Variants in TSNARE1 observed in about 807,000 individuals in gnomAD.
TSNARE1 encodes the protein t-SNARE domain-containing protein 1.
TSNARE1 carries 49 observed loss-of-function variants against 62.0 expected under a neutral mutation model. That is an observed-to-expected ratio of 0.79 (90% confidence interval 0.63 to 1.00). The LOEUF (loss-of-function observed/expected upper bound fraction) is 1.00. Among genes scored for constraint, TSNARE1 ranks in the 50% least tolerant of loss-of-function variants. The probability of loss-of-function intolerance (pLI) is 0.00; values close to 1 mark genes in which losing one functional copy is unlikely to be tolerated. For missense variants in TSNARE1, 755 were observed against 700.1 expected (o/e 1.08, Z -0.88); for synonymous variants, 328 against 294.4 (o/e 1.11, Z -1.17).
At chr8:142,318,984 A>T (rs1468118774) in intron 6 of TSNARE1, among the ~76,000 whole-genome samples, 1 of 151,704 alleles carries the variant, frequency 6.6e-6, no homozygotes, top group African/African-American at 2.4e-5. Context: ...GGAGACGGGC[A>T]GACACCCAGC....
At chr8:142,233,560 G>A (rs989286585) in intron 12 of TSNARE1, among the ~76,000 whole-genome samples, 3 of 152,168 alleles carry the variant, frequency 2.0e-5, no homozygotes, top group Admixed American at 1.3e-4. Flanking sequence ...AGGAGGGGCC[G>A]GTGTGCTTGT....
chr8:142,300,764 G>T, intron 9 of TSNARE1, 120 bp from the exon 10 acceptor site: 1 of 1,279,910 alleles, frequency 7.8e-7, no homozygotes, highest in South Asian at 1.5e-5. Context: ...TCTCTGAGGG[G>T]ACGATCTGGG....
intron 1 of TSNARE1, among the ~76,000 whole-genome samples, chr8:142,362,437 C>T (rs1461586362): frequency 6.6e-6 from 1 of 152,228 alleles, no homozygotes; most frequent in Non-Finnish European, 1.5e-5. Context: ...AGGCAGAGAA[C>T]ACAGTCTGAG....
At chr8:142,231,237 G>A (rs974937343) in intron 12 of TSNARE1, among the ~76,000 whole-genome samples, 17 of 152,214 alleles carry the variant, frequency 1.1e-4, no homozygotes, top group African/African-American at 4.1e-4. Context: ...CCAGCCTTGG[G>A]AAACACATTG....
intron 12 of TSNARE1, among the ~76,000 whole-genome samples, chr8:142,239,911 T>A (rs1305829475): frequency 2.0e-5 from 3 of 152,186 alleles, no homozygotes; most frequent in Admixed American, 2.0e-4. Context: ...TTGAAATATT[T>A]TCAAAGTAAA....
At chr8:142,365,598 A>C (rs989259540) in intron 1 of TSNARE1, among the ~76,000 whole-genome samples, 4 of 116,382 alleles carry the variant, frequency 3.4e-5, no homozygotes, top group Non-Finnish European at 6.8e-5. Context: ...AAACACATGC[A>C]CACGCACACA....
intron 2 of TSNARE1, among the ~76,000 whole-genome samples, chr8:142,351,569 C>T (rs551925285): frequency 3.9e-5 from 6 of 152,134 alleles, no homozygotes; most frequent in East Asian, 1.9e-4. Flanking sequence ...GATGCAGGGA[C>T]GCCAGGCAAA....
intron 11 of TSNARE1, among the ~76,000 whole-genome samples, chr8:142,281,121 C>T (rs1821377590): frequency 6.6e-6 from 1 of 152,164 alleles, no homozygotes; most frequent in Non-Finnish European, 1.5e-5. Context: ...GGCACAGGCC[C>T]CAAGGTGAGG....
chr8:142,281,952 G>T (rs907038070), intron 11 of TSNARE1, among the ~76,000 whole-genome samples: 1 of 152,202 alleles, frequency 6.6e-6, no homozygotes, highest in African/African-American at 2.4e-5. Flanking sequence ...CTTCTCCTGG[G>T]GACTCAGAGG....
chr8:142,372,164 C>G (rs567072788), intron 1 of TSNARE1, among the ~76,000 whole-genome samples: 1 of 152,320 alleles, frequency 6.6e-6, no homozygotes, highest in African/African-American at 2.4e-5. Flanking sequence ...AACACAGGAT[C>G]TGATCTCAGG....
intron 1 of TSNARE1, among the ~76,000 whole-genome samples, chr8:142,398,710 G>C (rs1172532113): frequency 6.6e-6 from 1 of 152,194 alleles, no homozygotes; most frequent in Admixed American, 6.5e-5. Flanking sequence ...TAGTCTCACA[G>C]AACATTACAC....
Position 142,283,696 on chromosome 8 carries a change from G to A in TSNARE1, c.1363+717C>T, listed in dbSNP as rs892585171. Among the ~76,000 whole-genome samples the A allele has an allele frequency of 1.4e-3, 216 of 149,764 alleles. No individual in the cohort carries two copies. The Middle Eastern group carries it at 0.018, about 13-fold the overall frequency. The stretch of plus-strand genomic sequence containing the variant: ...AGGTGGGACCAGTGTCTGTCAATGA[G>A]CAGAGGCGGGGCCAGTGTCTGTCAA... On this transcript the variant is annotated intron_variant, in intron 11 of 13. Coordinates refer to ENST00000524325, the MANE Select transcript of TSNARE1 (RefSeq NM_145003.5).
At chr8:142,249,639 C>T (rs961536550) in intron 12 of TSNARE1, among the ~76,000 whole-genome samples, 1 of 152,238 alleles carries the variant, frequency 6.6e-6, no homozygotes, top group African/African-American at 2.4e-5. Context: ...CCTCTCCCTC[C>T]TCCGCCCAGG....
intron 12 of TSNARE1, chr8:142,271,414 C>G: frequency 2.4e-6 from 3 of 1,245,522 alleles, no homozygotes; most frequent in Non-Finnish European, 3.0e-6. Context: ...GGGAGTCCAG[C>G]AGCTGCTGCT....
chr8:142,358,846 A>C (rs1323562105), intron 1 of TSNARE1, among the ~76,000 whole-genome samples: 3 of 151,854 alleles, frequency 2.0e-5, no homozygotes, highest in Non-Finnish European at 4.4e-5. Context: ...CAAACCCCCC[A>C]GGTGCCCCAC....
At chr8:142,321,299 A>G (rs1829449939) in intron 6 of TSNARE1, among the ~76,000 whole-genome samples, 1 of 152,180 alleles carries the variant, frequency 6.6e-6, no homozygotes, top group African/African-American at 2.4e-5. Flanking sequence ...CAGAAAATAC[A>G]TTTTAAACAA....
chr8:142,291,378 T>C lies in TSNARE1; in HGVS notation c.1291-6893A>G, dbSNP rs910185823. On this transcript the variant is annotated intron_variant, in intron 10 of 13. Transcript: ENST00000524325. This position sits in a 1 kb window ranked among gnomAD's most constrained non-coding sequence, Gnocchi z 4.8. ...CAAGCCACCGTCATCTCTGACAAAA[T>C]CAGAACGTAGGAGTGTTCACTCTCA... is the stretch of plus-strand genomic sequence containing the variant. Among the ~76,000 whole-genome samples, 1 of 151,978 alleles carries C rather than the reference T, an allele frequency of 6.6e-6. No individual in the cohort carries two copies. The highest frequency in any genetic ancestry group is 1.5e-5 in the Non-Finnish European group (1 of 68,026).
At position 142,222,563 on chromosome 8, in the gene TSNARE1, T is replaced by C. The variant is rs931188376; in HGVS notation, c.*11+6910A>G. 2.1e-3 allele frequency among the ~76,000 whole-genome samples: 115 copies of C among 55,008 alleles called. 1 individual carries two copies. Among genetic ancestry groups the C allele is most frequent in the African/African-American group, 3.3e-3 (39 of 11,674 alleles). 36.1% of individuals were successfully genotyped at this position (55,008 alleles called of 152,430 possible). A position where few individuals can be genotyped will look rare whatever the true frequency, so the allele number is the denominator to read the frequency against. On this transcript the variant is annotated intron_variant, in intron 13 of 13. Transcript: ENST00000524325. ...ACTCATTCACTCACTCACTCACTCA[T>C]TCACTCACTCAGCCACTCATTCACT...
intron 1 of TSNARE1, among the ~76,000 whole-genome samples, chr8:142,387,656 T>C (rs1278589019): frequency 6.6e-6 from 1 of 152,070 alleles, no homozygotes; most frequent in Admixed American, 6.5e-5. Flanking sequence ...AGGATGAAAT[T>C]GATAATCATT....
Sources: allele counts gnomAD v4.1 joint callset (sites outside exome capture counted in the v4.1 genomes callset), GRCh38; gene constraint gnomAD v4.1.1; non-coding constraint Gnocchi (gnomAD v3.1); transcripts MANE v1.5; gene names NCBI Gene and HGNC (gene_info 2026-07-23, HGNC 2026-07-21).